Variants in LRRC4C observed in about 807,000 individuals in gnomAD.
The protein encoded by LRRC4C is leucine-rich repeat-containing protein 4C.
LRRC4C carries 5 observed loss-of-function variants against 33.6 expected under a neutral mutation model. That is an observed-to-expected ratio of 0.15 (90% CI 0.08 to 0.31). The LOEUF (loss-of-function observed/expected upper bound fraction) is 0.31. LRRC4C is among the 10% of genes least tolerant of loss of function. The pLI is 1.00. For missense variants in LRRC4C, 560 were observed against 796.7 expected, an observed-to-expected ratio of 0.70 and a Z score of 3.58; for synonymous variants, 329 against 302.0, an observed-to-expected ratio of 1.09 and a Z score of -0.93.
chr11:40,238,091 G>A lies in LRRC4C; in HGVS notation c.-96+3428C>T, dbSNP rs140926328. On this transcript the variant is annotated intron_variant, in intron 5 of 6. Transcript: ENST00000528697. ...AAAGGGATCCAAAATTTGTACGGCA[G>A]CACAGGTTTCACGCTATTGGTGTTC... 3.0e-3 allele frequency among the ~76,000 whole-genome samples: 455 copies of A among 152,266 alleles called. 7 individuals are homozygous for A. The highest frequency in any genetic ancestry group is 0.024 in the Admixed American group (374 of 15,284).
At chr11:40,281,715 G>T (rs764292047) in intron 4 of LRRC4C, among the ~76,000 whole-genome samples, 46 of 152,056 alleles carry the variant, frequency 3.0e-4, no homozygotes, top group Non-Finnish European at 5.3e-4. Context: ...ATGATCAGCT[G>T]CACGGACAAT....
At chr11:41,307,405 C>T (rs1223596370) in intron 1 of LRRC4C, among the ~76,000 whole-genome samples, 1 of 152,128 alleles carries the variant, frequency 6.6e-6, no homozygotes, top group Non-Finnish European at 1.5e-5. Context: ...CCCAGGGACC[C>T]TCCCCCTGCC....
At position 40,997,861 on chromosome 11, in the gene LRRC4C, G is replaced by A. The variant is rs117654346; in HGVS notation, c.-495-64138C>T. Among the ~76,000 whole-genome samples, 39 of 152,194 alleles carry A rather than the reference G, an allele frequency of 2.6e-4. No individual in the cohort carries two copies. In the East Asian group the frequency reaches 6.2e-3, roughly 24 times the overall value. Reference sequence around the variant, plus strand: ...AAACTTGCAGTTATTCACCTTCAAGGAGCCTTTTTAAGGTTTCTCACATCC... The same window carrying A: ...AAACTTGCAGTTATTCACCTTCAAGAAGCCTTTTTAAGGTTTCTCACATCC... On this transcript the variant is annotated intron_variant, in intron 1 of 6. Coordinates refer to ENST00000528697, the MANE Select transcript of LRRC4C (RefSeq NM_001258419.2).
intron 2 of LRRC4C, among the ~76,000 whole-genome samples, chr11:40,796,717 G>A (rs1172474022): frequency 1.4e-5 from 2 of 146,024 alleles, no homozygotes. Flanking sequence ...TGCGACCTTG[G>A]CTCACTGTAA....
intron 5 of LRRC4C, among the ~76,000 whole-genome samples, chr11:40,193,278 T>A (rs1861997131): frequency 6.6e-6 from 1 of 152,148 alleles, no homozygotes; most frequent in Non-Finnish European, 1.5e-5. Flanking sequence ...ATCTTTGCTG[T>A]TCTTCAGCCT....
chr11:41,352,183 G>C (rs1416241765), intron 1 of LRRC4C, among the ~76,000 whole-genome samples: 2 of 151,836 alleles, frequency 1.3e-5, no homozygotes, highest in Non-Finnish European at 2.9e-5. Context: ...CAAACAAATT[G>C]AACACAAAAA....
chr11:40,557,680 G>A (rs1438705108), intron 3 of LRRC4C, among the ~76,000 whole-genome samples: 11 of 79,678 alleles, frequency 1.4e-4, no homozygotes, highest in Non-Finnish European at 2.2e-4. Flanking sequence ...CTATAGAGGC[G>A]TGTGTGTGTG....
At chr11:41,324,355 G>T (rs758865317) in intron 1 of LRRC4C, among the ~76,000 whole-genome samples, 1 of 152,134 alleles carries the variant, frequency 6.6e-6, no homozygotes, top group African/African-American at 2.4e-5. Context: ...GCTTGAACCC[G>T]GGAGGCAGAA....
At chr11:40,749,018 C>T (rs979142141) in intron 2 of LRRC4C, among the ~76,000 whole-genome samples, 17 of 151,754 alleles carry the variant, frequency 1.1e-4, no homozygotes, top group African/African-American at 2.4e-4. Flanking sequence ...AGAGAGAGAG[C>T]GACTGCAATG....
intron 2 of LRRC4C, among the ~76,000 whole-genome samples, chr11:40,760,036 G>GC (rs1037266054): frequency 2.0e-5 from 3 of 151,470 alleles, no homozygotes; most frequent in Non-Finnish European, 4.4e-5. Context: ...AAGTGACTCT[G>GC]CCCCCCAACC....
At chr11:40,313,424 T>C (rs1245277060) in intron 4 of LRRC4C, among the ~76,000 whole-genome samples, 3 of 151,878 alleles carry the variant, frequency 2.0e-5, no homozygotes, top group East Asian at 1.9e-4. Flanking sequence ...ATGTCATACA[T>C]TGGAGGAAGG....
At chr11:41,142,832 A>G (rs578215927) in intron 1 of LRRC4C, among the ~76,000 whole-genome samples, 9 of 152,310 alleles carry the variant, frequency 5.9e-5, no homozygotes, top group Non-Finnish European at 8.8e-5. Flanking sequence ...GTGCAGAGCT[A>G]CTATGGTAAT....
intron 3 of LRRC4C, among the ~76,000 whole-genome samples, chr11:40,441,875 T>G (rs905109925): frequency 6.6e-6 from 1 of 152,150 alleles, no homozygotes; most frequent in African/African-American, 2.4e-5. Flanking sequence ...CATAAAAAGA[T>G]GAACTGGCTG....
chr11:41,079,672 C>A (rs1939419447), intron 1 of LRRC4C, among the ~76,000 whole-genome samples: 2 of 152,166 alleles, frequency 1.3e-5, no homozygotes, highest in South Asian at 4.1e-4. Flanking sequence ...AAGCTTAGAA[C>A]AAAGCTTGTC....
In LRRC4C at chr11:40,631,023, C is replaced by A. The variant is rs570111993; in HGVS notation, c.-270+17119G>T. 2.0e-5 allele frequency among the ~76,000 whole-genome samples: 3 copies of A among 152,158 alleles called. No individual in the cohort carries two copies. In the South Asian group the frequency reaches 6.2e-4, roughly 32 times the overall value. ...TAATGACATAAAAAATCAAAGTTAG[C>A]CCTTTTAAAAGGAGAGAAAGAAACT... On this transcript the variant is annotated intron_variant, in intron 3 of 6. Transcript: ENST00000528697.
intron 5 of LRRC4C, among the ~76,000 whole-genome samples, chr11:40,204,013 C>G (rs1302220059): frequency 6.6e-6 from 1 of 152,176 alleles, no homozygotes; most frequent in African/African-American, 2.4e-5. Context: ...GCCTCAAACT[C>G]CTGGGCTCAA....
chr11:41,134,365 A>G (rs1012101978), intron 1 of LRRC4C, among the ~76,000 whole-genome samples: 2 of 152,084 alleles, frequency 1.3e-5, no homozygotes, highest in African/African-American at 4.8e-5. Flanking sequence ...CAGCCTCCCA[A>G]CATGTCAGGC....
At chr11:40,860,044 C>T (rs1203204946) in intron 2 of LRRC4C, among the ~76,000 whole-genome samples, 1 of 151,778 alleles carries the variant, frequency 6.6e-6, no homozygotes, top group Non-Finnish European at 1.5e-5. Flanking sequence ...CGAGATTGTG[C>T]CACTGCACTC....
At chr11:40,703,100 G>T (rs1258654819) in intron 2 of LRRC4C, among the ~76,000 whole-genome samples, 1 of 151,962 alleles carries the variant, frequency 6.6e-6, no homozygotes, top group Non-Finnish European at 1.5e-5. Context: ...TTATACCTCA[G>T]GGGGCATTAG....
Sources: allele counts gnomAD v4.1 joint callset (sites outside exome capture counted in the v4.1 genomes callset), GRCh38; gene constraint gnomAD v4.1.1; transcripts MANE v1.5; gene names NCBI Gene and HGNC (gene_info 2026-07-23, HGNC 2026-07-21).